Variants in SIRPB2 observed in about 807,000 individuals in gnomAD.
SIRPB2 encodes signal regulatory protein beta 2.
Under a neutral mutation model 27.1 loss-of-function variants are expected in SIRPB2, and 18 were observed. The ratio of observed to expected loss-of-function variants is 0.66; its 90% CI spans 0.46 to 0.98. SIRPB2 has a LOEUF of 0.98. Among genes scored for constraint, SIRPB2 ranks in the 50% least tolerant of loss-of-function variants. The pLI is 0.00. For synonymous variants in SIRPB2, 150 were observed against 164.6 expected, an observed-to-expected ratio of 0.91 and a Z score of 0.68; for missense variants, 420 against 417.4, an observed-to-expected ratio of 1.01 and a Z score of -0.06.
chr20:1,490,187 A>T (rs1460168597), intron 1 of SIRPB2, among the ~76,000 whole-genome samples: 4 of 152,094 alleles, frequency 2.6e-5, no homozygotes, highest in Non-Finnish European at 4.4e-5. Context: ...CCTAGCAATT[A>T]TGATTCACAT....
At chr20:1,481,034 C>T (rs187042852) in intron 1 of SIRPB2, among the ~76,000 whole-genome samples, 1 of 152,312 alleles carries the variant, frequency 6.6e-6, no homozygotes, top group Admixed American at 6.5e-5. Context: ...AGTTTATCCT[C>T]AAAGTGGATA....
At chr20:1,480,636 G>A (rs997333786) in intron 1 of SIRPB2, among the ~76,000 whole-genome samples, 1 of 152,176 alleles carries the variant, frequency 6.6e-6, no homozygotes, top group African/African-American at 2.4e-5. Flanking sequence ...TGAAGATACA[G>A]GGAGAAGGTG....
chr20:1,484,076 A>G (rs2090701122), intron 1 of SIRPB2, among the ~76,000 whole-genome samples: 1 of 152,232 alleles, frequency 6.6e-6, no homozygotes, highest in Admixed American at 6.5e-5. Flanking sequence ...TTTACAGCCA[A>G]TTGATTTTTG....
chr20:1,479,131 G>C (rs1026631319), intron 2 of SIRPB2: 6 of 165,172 alleles, frequency 3.6e-5, no homozygotes, highest in African/African-American at 1.4e-4. Flanking sequence ...GAGGCATGTA[G>C]AGCCAGGGTA....
At chr20:1,473,236 A>G, downstream of SIRPB2, 1 of 152,092 alleles carries the variant, frequency 6.6e-6, no homozygotes, top group South Asian at 2.1e-4. Context: ...GCTTTCAACC[A>G]CGTTTCAGGA....
intron 1 of SIRPB2, among the ~76,000 whole-genome samples, chr20:1,490,208 A>G (rs966751179): frequency 4.1e-4 from 62 of 152,214 alleles, no homozygotes; most frequent in Non-Finnish European, 8.5e-4. Context: ...CTTAGAATTG[A>G]GGAAATCAGC....
chr20:1,491,353 A>C lies in SIRPB2; in HGVS notation c.7T>G (p.Ser3Ala). The C allele has an allele frequency of 6.2e-7, 1 of 1,608,876 alleles. No homozygotes were observed. The highest frequency in any genetic ancestry group is 8.5e-7 in the Non-Finnish European group (1 of 1,178,216). Residue 3 changes from serine (S) to alanine (A), a missense_variant, in exon 1 of 5, where the codon TCC becomes GCC. Ser to Ala is a moderately conservative substitution (Grantham distance 99, BLOSUM62 1). Transcript: ENST00000359801. MC[S>A]TMSAPTCLAH... ...AGGCAGGTGGGGGCCGACATCGTGG[A>C]GCACATGGCATCTTCTGTGGTCCCC...
chr20:1,487,755 C>T (rs745520555), intron 1 of SIRPB2, among the ~76,000 whole-genome samples: 14 of 152,178 alleles, frequency 9.2e-5, no homozygotes, highest in Non-Finnish European at 1.8e-4. Context: ...AAGCAATCCT[C>T]CTGAGTAGCT....
At chr20:1,485,653 CCA>C (rs58756174) in intron 1 of SIRPB2, among the ~76,000 whole-genome samples, 69 of 147,048 alleles carry the variant, frequency 4.7e-4, no homozygotes, top group African/African-American at 9.8e-4. Context: ...CACACACACA[CCA>C]CACACACACA....
intron 1 of SIRPB2, chr20:1,480,549 T>G (rs1179466508): frequency 6.1e-6 from 1 of 163,696 alleles, no homozygotes; most frequent in Non-Finnish European, 1.4e-5. Context: ...TCATTGGGGT[T>G]GGGCCTTAAT....
intron 3 of SIRPB2, among the ~76,000 whole-genome samples, 163 bp from the exon 4 acceptor site, chr20:1,477,566 C>G (rs2090618722): frequency 6.6e-6 from 1 of 152,228 alleles, no homozygotes; most frequent in African/African-American, 2.4e-5. Flanking sequence ...AGACTTTCTA[C>G]TGGAGCACGT....
At chr20:1,489,994 A>G (rs2123063144) in intron 1 of SIRPB2, among the ~76,000 whole-genome samples, 1 of 152,316 alleles carries the variant, frequency 6.6e-6, no homozygotes, top group African/African-American at 2.4e-5. Context: ...GCCCTGACTC[A>G]GCTTGAGATG....
intron 1 of SIRPB2, among the ~76,000 whole-genome samples, chr20:1,487,209 T>C (rs903844554): frequency 6.6e-6 from 1 of 152,160 alleles, no homozygotes; most frequent in Non-Finnish European, 1.5e-5. Context: ...AAATTTCCAG[T>C]CATCAATGTT....
chr20:1,470,736 A>C (rs960271945), downstream of SIRPB2: 1 of 151,784 alleles, frequency 6.6e-6, no homozygotes, highest in Admixed American at 6.6e-5. Context: ...AACAAAACAC[A>C]CCCCTGAGTG....
chr20:1,484,251 GA>G (rs2090703228), intron 1 of SIRPB2, among the ~76,000 whole-genome samples: 1 of 151,914 alleles, frequency 6.6e-6, no homozygotes, highest in African/African-American at 2.4e-5. Flanking sequence ...ACTACTAGGA[GA>G]AAACAGGGAA....
chr20:1,480,107 C>G, intron 1 of SIRPB2, 42 bp from the exon 2 acceptor site: 2 of 1,544,704 alleles, frequency 1.3e-6, no homozygotes, highest in Non-Finnish European at 1.7e-6. Flanking sequence ...GCAGGAAGGA[C>G]TTGGAGCCCT....
In SIRPB2 at chr20:1,478,362, A is replaced by C; in HGVS notation, c.697T>G (p.Ser233Ala). 1 of 1,614,126 alleles carries C rather than the reference A, an allele frequency of 6.2e-7. No homozygotes were observed. Among genetic ancestry groups the C allele is most frequent in the East Asian group, 2.2e-5 (1 of 44,866 alleles). ...NDFSILLQNVSSEDAGTYYCV... is the reference protein window; with the variant it reads ...NDFSILLQNVASEDAGTYYCV... ...TAATAGGTGCCTGCATCCTCACTGG[A>C]GACGTTTTGCAGAAGAATGCTGAAG... Residue 233 changes from serine to alanine, a missense_variant, in exon 3 of 5, where the codon TCC (serine) becomes GCC (alanine). Coordinates refer to ENST00000359801, the MANE Select transcript of SIRPB2 (RefSeq NM_001122962.2).
chr20:1,477,237 A>G lies in SIRPB2; in HGVS notation c.859+101T>C, dbSNP rs773463650. On this transcript the variant is annotated intron_variant, in intron 4 of 4. Coordinates refer to ENST00000359801, the MANE Select transcript of SIRPB2 (RefSeq NM_001122962.2). Reference sequence around the variant, plus strand: ...CTGGGAGCATTCTTGGTGGCAGGTTAGCCCCAGGAGTCTGGGACTGCTCCC... The same window carrying G: ...CTGGGAGCATTCTTGGTGGCAGGTTGGCCCCAGGAGTCTGGGACTGCTCCC... The G allele has an allele frequency of 5.6e-6, 9 of 1,613,532 alleles. No homozygotes were observed. The South Asian group carries it at 8.8e-5, about 16-fold the overall frequency.
intron 1 of SIRPB2, chr20:1,480,304 G>A (rs572752004): frequency 4.0e-6 from 2 of 505,056 alleles, no homozygotes; most frequent in Non-Finnish European, 7.0e-6. Flanking sequence ...CGTGTGCTGG[G>A]CCCTGCGTGC....
Sources: allele counts gnomAD v4.1 joint callset (sites outside exome capture counted in the v4.1 genomes callset), GRCh38; gene constraint gnomAD v4.1.1; transcripts MANE v1.5; gene names NCBI Gene and HGNC (gene_info 2026-07-23, HGNC 2026-07-21).